PRKN: variants seen among roughly 807,000 people sequenced by gnomAD.
PRKN encodes parkin RBR E3 ubiquitin protein ligase.
Under a neutral mutation model 59.5 loss-of-function variants are expected in PRKN, and 56 were observed. The ratio of observed to expected loss-of-function variants is 0.94; its 90% CI spans 0.76 to 1.18. The LOEUF (loss-of-function observed/expected upper bound fraction) is 1.18. Ranked by LOEUF, PRKN falls within the 50% of genes most tolerant of loss-of-function variation. The pLI is 0.00. For missense variants in PRKN, 657 were observed against 596.4 expected (o/e 1.10, Z -1.06); for synonymous variants, 250 against 222.1 (o/e 1.13, Z -1.12).
At chr6:161,422,495 G>T (rs1583047174) in intron 9 of PRKN, among the ~76,000 whole-genome samples, 1 of 152,190 alleles carries the variant, frequency 6.6e-6, no homozygotes, top group East Asian at 1.9e-4. Context: ...CACTGTGCCT[G>T]GCCAGACAAC....
rs1294929292 is a variant in PRKN, at chr6:161,592,764, G to A, written c.872-23348C>T. Reference sequence around the variant, plus strand: ...CAGCCAGGACCAGCACTAGGAGGACGAGGGAACACAAGCAGAGCAGACAGG... The same window carrying A: ...CAGCCAGGACCAGCACTAGGAGGACAAGGGAACACAAGCAGAGCAGACAGG... On this transcript the variant is annotated intron_variant, in intron 7 of 11. Transcript: ENST00000366898. This position sits in a 1 kb window ranked among gnomAD's most constrained non-coding sequence, Gnocchi z 4.8. Among the ~76,000 whole-genome samples, 1 of 152,134 alleles carries A rather than the reference G, an allele frequency of 6.6e-6. No individual in the cohort carries two copies. Among genetic ancestry groups the A allele is most frequent in the Non-Finnish European group, 1.5e-5 (1 of 68,024 alleles).
chr6:161,577,503 T>C (rs1051457221), intron 7 of PRKN, among the ~76,000 whole-genome samples: 1 of 152,188 alleles, frequency 6.6e-6, no homozygotes. Context: ...AGGAAAACCT[T>C]CCAATACAAC....
At chr6:162,415,834 CA>C (rs1192178847) in intron 2 of PRKN, among the ~76,000 whole-genome samples, 1 of 152,018 alleles carries the variant, frequency 6.6e-6, no homozygotes, top group Non-Finnish European at 1.5e-5. Flanking sequence ...AAGACAACCT[CA>C]AATTTAAATA....
chr6:162,246,221 G>A lies in PRKN; in HGVS notation c.412+16304C>T, dbSNP rs571798310. Reference sequence around the variant, plus strand: ...TTGATTAATTATAATGAGGTCTTTCGGGTGAGCCCTCATGCAATCTGACTA... The same window carrying A: ...TTGATTAATTATAATGAGGTCTTTCAGGTGAGCCCTCATGCAATCTGACTA... On this transcript the variant is annotated intron_variant, in intron 3 of 11. Transcript: ENST00000366898. Among the ~76,000 whole-genome samples, 8 of 152,096 alleles carry A rather than the reference G, an allele frequency of 5.3e-5. No individual in the cohort carries two copies. In the East Asian group the frequency reaches 5.8e-4, roughly 11 times the overall value.
chr6:162,314,860 A>G (rs1782678363), intron 2 of PRKN, among the ~76,000 whole-genome samples: 1 of 152,154 alleles, frequency 6.6e-6, no homozygotes, highest in Non-Finnish European at 1.5e-5. Context: ...TATACTGAAC[A>G]TGGGATCAAG....
intron 7 of PRKN, among the ~76,000 whole-genome samples, chr6:161,580,747 C>T (rs1013639319): frequency 3.3e-5 from 5 of 151,208 alleles, no homozygotes; most frequent in African/African-American, 9.7e-5. Flanking sequence ...CAAAGTGCTG[C>T]GATTACAGGT....
At chr6:162,211,680 T>C (rs1218620130) in intron 3 of PRKN, among the ~76,000 whole-genome samples, 2 of 152,192 alleles carry the variant, frequency 1.3e-5, no homozygotes, top group Admixed American at 1.3e-4. Context: ...TAGTTTTGTA[T>C]AAATATTTTA....
intron 1 of PRKN, among the ~76,000 whole-genome samples, chr6:162,684,060 TAATAC>T (rs1333564849): frequency 6.6e-6 from 1 of 152,164 alleles, no homozygotes; most frequent in African/African-American, 2.4e-5. Context: ...CCATTACATA[TAATAC>T]ATTTCCCATT....
intron 2 of PRKN, among the ~76,000 whole-genome samples, chr6:162,379,534 T>G (rs1786312320): frequency 6.6e-6 from 1 of 152,180 alleles, no homozygotes; most frequent in African/African-American, 2.4e-5. Flanking sequence ...AATCTCCCAT[T>G]CAGGGTCAGG....
In PRKN at chr6:161,349,417, A is replaced by G. The variant is rs1784436243; in HGVS notation, c.*682T>C. On this transcript the variant is annotated 3_prime_UTR_variant, in exon 12 of 12. Coordinates refer to ENST00000366898, the MANE Select transcript of PRKN (RefSeq NM_004562.3). The surrounding 1 kb of genome is among the most constrained non-coding windows in gnomAD (Gnocchi z 5.5). ...ATTCAACATTCAAATTAACTTTCAT[A>G]ATTTCTCACTTTGTGACAAGTTGAT... 1 of 231,894 alleles carries G rather than the reference A, an allele frequency of 4.3e-6. No individual in the cohort carries two copies. The highest frequency in any genetic ancestry group is 6.1e-5 in the East Asian group (1 of 16,272). 14.4% of individuals were successfully genotyped at this position (231,894 alleles called of 1,614,324 possible). A position where few individuals can be genotyped will look rare whatever the true frequency, so the allele number is the denominator to read the frequency against.
In PRKN at chr6:162,060,215, T is replaced by C. The variant is rs73785335; in HGVS notation, c.535-6041A>G. On this transcript the variant is annotated intron_variant, in intron 4 of 11. Transcript: ENST00000366898. ...AATCGCATATGTTTGTATGAGTAGG[T>C]ATGTCCTGGGTCTCAAGTGAGAAAT... Among the ~76,000 whole-genome samples, 1,144 of 152,300 alleles carry C rather than the reference T, an allele frequency of 7.5e-3. 15 individuals are homozygous for C. The highest frequency in any genetic ancestry group is 0.027 in the African/African-American group (1,106 of 41,562).
At chr6:162,472,055 A>C (rs1446024498) in intron 1 of PRKN, among the ~76,000 whole-genome samples, 1 of 152,188 alleles carries the variant, frequency 6.6e-6, no homozygotes, top group Non-Finnish European at 1.5e-5. Context: ...AGTCAATGAC[A>C]CTGGGGAACG....
chr6:162,284,215 C>CTTTTTTTTTTTTTTTTTTTTTTTT (rs35609309), intron 2 of PRKN, among the ~76,000 whole-genome samples: 1 of 75,678 alleles, frequency 1.3e-5, no homozygotes, highest in Non-Finnish European at 2.5e-5. Flanking sequence ...TTATTTCTTT[C>CTTTTTTTTTTTTTTTTTTTTTTTT]TTTTTTTTTT....
In PRKN at chr6:161,552,780, T is replaced by TGTC. The variant is rs1780080455; in HGVS notation, c.934-3778_934-3777insGAC. On this transcript the variant is annotated intron_variant, in intron 8 of 11. Coordinates refer to ENST00000366898, the MANE Select transcript of PRKN (RefSeq NM_004562.3). The surrounding 1 kb of genome is among the most constrained non-coding windows in gnomAD (Gnocchi z 4.9). ...CCCTTCCTAAAAGACACCATGGTTTTGTTGTTGTTTTTGTTTTTTGTTTTT... is the reference window on the plus strand; with the variant it reads ...CCCTTCCTAAAAGACACCATGGTTTTGTCGTTGTTGTTTTTGTTTTTTGTTTTT... Among the ~76,000 whole-genome samples the TGTC allele has an allele frequency of 8.4e-6, 1 of 119,250 alleles. No homozygotes were observed. Among genetic ancestry groups the TGTC allele is most frequent in the Non-Finnish European group, 1.9e-5 (1 of 51,548 alleles). 78.2% of individuals were successfully genotyped at this position (119,250 alleles called of 152,430 possible).
intron 2 of PRKN, among the ~76,000 whole-genome samples, chr6:162,415,318 C>A (rs1788574162): frequency 6.6e-6 from 1 of 152,064 alleles, no homozygotes; most frequent in Non-Finnish European, 1.5e-5. Flanking sequence ...CAATGTGGCA[C>A]CGAAATGCAG....
Position 161,447,283 on chromosome 6 carries a change from G to A in PRKN, c.1084-60406C>T, listed in dbSNP as rs1354908805. On this transcript the variant is annotated intron_variant, in intron 9 of 11. Transcript: ENST00000366898. The surrounding 1 kb of genome is among the most constrained non-coding windows in gnomAD (Gnocchi z 4.1). ...GTTCTCTCTGACATGCTCAATCTAGGGTTTCCCGCGGCTAAACCCTAAAAT... is the reference window on the plus strand; with the variant it reads ...GTTCTCTCTGACATGCTCAATCTAGAGTTTCCCGCGGCTAAACCCTAAAAT... 6.6e-6 allele frequency among the ~76,000 whole-genome samples: 1 copy of A among 151,964 alleles called. No individual in the cohort carries two copies. The highest frequency in any genetic ancestry group is 6.6e-5 in the Admixed American group (1 of 15,246).
chr6:162,615,799 C>T (rs1332046456), intron 1 of PRKN, among the ~76,000 whole-genome samples: 1 of 152,176 alleles, frequency 6.6e-6, no homozygotes. Flanking sequence ...ACTTGCAAAA[C>T]CCTACTTGTC....
At chr6:162,517,817 T>C (rs1777928096) in intron 1 of PRKN, among the ~76,000 whole-genome samples, 3 of 152,186 alleles carry the variant, frequency 2.0e-5, no homozygotes, top group Non-Finnish European at 4.4e-5. Flanking sequence ...GTCTACATCA[T>C]ATATTATATT....
chr6:161,869,922 A>G (rs973951085), intron 6 of PRKN, among the ~76,000 whole-genome samples: 2 of 152,178 alleles, frequency 1.3e-5, no homozygotes, highest in African/African-American at 4.8e-5. Context: ...GGTTTAATTC[A>G]GCTGATGGGT....
Sources: gnomAD v4.1 joint callset for allele counts (sites outside exome capture counted in the v4.1 genomes callset) on GRCh38, gnomAD v4.1.1 for gene constraint, Gnocchi (gnomAD v3.1) non-coding constraint, MANE v1.5 for transcripts, NCBI Gene and HGNC (gene_info 2026-07-23, HGNC 2026-07-21) for gene names.